RUNX2: variants seen among roughly 807,000 people sequenced by gnomAD.
The protein encoded by RUNX2 is RUNX family transcription factor 2, also known as runt-related transcription factor 2.
A neutral mutation model predicts 51.7 loss-of-function variants in RUNX2; 10 were observed. The observed-to-expected ratio is 0.19, with a 90% CI of 0.12 to 0.33. RUNX2 has a LOEUF of 0.33. Ranked by LOEUF, RUNX2 falls within the 10% of genes least tolerant of loss-of-function variation. The pLI is 1.00. For missense variants in RUNX2, 562 were observed against 691.3 expected (o/e 0.81, Z 2.10); for synonymous variants, 276 against 273.6 (o/e 1.01, Z -0.09).
chr6:45,476,344 AG>A (rs1799955797), intron 5 of RUNX2, among the ~76,000 whole-genome samples: 1 of 150,486 alleles, frequency 6.6e-6, no homozygotes, highest in Non-Finnish European at 1.5e-5. Context: ...TTGGGGAGGA[AG>A]GACCTTGCTC....
At chr6:45,523,067 T>A (rs979577679) in intron 7 of RUNX2, among the ~76,000 whole-genome samples, 2 of 152,208 alleles carry the variant, frequency 1.3e-5, no homozygotes, top group Non-Finnish European at 2.9e-5. Flanking sequence ...AATATACATA[T>A]AAATAGTCTT....
In RUNX2 at chr6:45,532,741, T is replaced by A. The variant is rs996302354; in HGVS notation, c.1022-12476T>A. On this transcript the variant is annotated intron_variant, in intron 7 of 8. Transcript: ENST00000647337. ...TCTCCTGACCAGTCACTGACTGTTTTGGTCCACATCTGGAGTGGACTCAGT... is the reference window on the plus strand; with the variant it reads ...TCTCCTGACCAGTCACTGACTGTTTAGGTCCACATCTGGAGTGGACTCAGT... Among the ~76,000 whole-genome samples the A allele has an allele frequency of 2.6e-5, 4 of 152,162 alleles. No individual in the cohort carries two copies. In the South Asian group the frequency reaches 8.3e-4, roughly 32 times the overall value.
At chr6:45,477,615 A>G (rs1042001041) in intron 5 of RUNX2, among the ~76,000 whole-genome samples, 1 of 152,074 alleles carries the variant, frequency 6.6e-6, no homozygotes, top group Non-Finnish European at 1.5e-5. Context: ...ATTCCACTGT[A>G]CTGTTGTCTG....
chr6:45,428,740 CA>C (rs1288805634), intron 3 of RUNX2, among the ~76,000 whole-genome samples: 3 of 151,358 alleles, frequency 2.0e-5, no homozygotes, highest in South Asian at 2.1e-4. Context: ...ATCAATTTTC[CA>C]TTTCTTCTAA....
In RUNX2 at chr6:45,372,086, T is replaced by C. The variant is rs548671764; in HGVS notation, c.58+43302T>C. On this transcript the variant is annotated intron_variant, in intron 2 of 8. Coordinates refer to ENST00000647337, the MANE Select transcript of RUNX2 (RefSeq NM_001024630.4). ...CCACAATGTGTATGTCACAGTGAACTGTGTTGTGAAATATTAATATCTGAC... is the reference window on the plus strand; with the variant it reads ...CCACAATGTGTATGTCACAGTGAACCGTGTTGTGAAATATTAATATCTGAC... 402 of 923,508 alleles carry C rather than the reference T, an allele frequency of 4.4e-4. 1 individual carries two copies. In the African/African-American group the frequency reaches 6.1e-3, roughly 14 times the overall value. The allele number at this position is 923,508 out of a possible 1,614,324, so 57.2% of individuals were successfully genotyped here.
At chr6:45,357,113 T>C (rs1279548128) in intron 2 of RUNX2, among the ~76,000 whole-genome samples, 1 of 151,874 alleles carries the variant, frequency 6.6e-6, no homozygotes, top group Admixed American at 6.6e-5. Context: ...TTCACGCCAT[T>C]CTCCAGTCTC....
chr6:45,491,634 T>G (rs1469947910), intron 5 of RUNX2, among the ~76,000 whole-genome samples: 3 of 149,358 alleles, frequency 2.0e-5, no homozygotes, highest in Admixed American at 1.3e-4. Context: ...TTTTTTTTTT[T>G]TTTTTTTTTT....
chr6:45,490,700 C>T (rs1800435884), intron 5 of RUNX2, among the ~76,000 whole-genome samples: 2 of 152,116 alleles, frequency 1.3e-5, no homozygotes, highest in South Asian at 2.1e-4. Context: ...TTTTCATAAA[C>T]CTTCTTCAAG....
intron 7 of RUNX2, among the ~76,000 whole-genome samples, chr6:45,540,342 C>T (rs978485437): frequency 1.3e-5 from 2 of 152,080 alleles, no homozygotes; most frequent in African/African-American, 2.4e-5. Context: ...GAAGAATTTC[C>T]CTTTTCATGT....
chr6:45,543,019 G>T (rs1307411698), intron 7 of RUNX2, among the ~76,000 whole-genome samples: 8 of 152,190 alleles, frequency 5.3e-5, no homozygotes, highest in Admixed American at 5.2e-4. Flanking sequence ...TACCTTGGGG[G>T]ATCTCGGATC....
chr6:45,462,023 G>A (rs1017060827), intron 5 of RUNX2, among the ~76,000 whole-genome samples: 11 of 151,984 alleles, frequency 7.2e-5, no homozygotes, highest in Admixed American at 2.6e-4. Flanking sequence ...CCAGCCATTC[G>A]TGTGACCCTC....
chr6:45,379,308 CT>C (rs1797167878), intron 2 of RUNX2, among the ~76,000 whole-genome samples: 1 of 152,182 alleles, frequency 6.6e-6, no homozygotes, highest in Admixed American at 6.5e-5. Flanking sequence ...ATGGTGATAA[CT>C]TCTTACATGG....
intron 2 of RUNX2, among the ~76,000 whole-genome samples, chr6:45,374,885 CA>C (rs1276469117): frequency 2.0e-5 from 3 of 152,160 alleles, no homozygotes; most frequent in African/African-American, 7.2e-5. Flanking sequence ...TATTTAGACA[CA>C]AAAACAGTAA....
chr6:45,457,373 T>C (rs1484576903), intron 5 of RUNX2, among the ~76,000 whole-genome samples: 1 of 152,078 alleles, frequency 6.6e-6, no homozygotes, highest in Non-Finnish European at 1.5e-5. Flanking sequence ...AAGGTAGTTC[T>C]TTTTTCCTCC....
intron 2 of RUNX2, among the ~76,000 whole-genome samples, chr6:45,381,359 G>C (rs954273925): frequency 1.3e-5 from 2 of 152,082 alleles, no homozygotes; most frequent in Non-Finnish European, 2.9e-5. Context: ...CCAAAGGATG[G>C]ATACTAAAGT....
intron 2 of RUNX2, among the ~76,000 whole-genome samples, chr6:45,364,875 T>C (rs1359842738): frequency 6.6e-6 from 1 of 152,180 alleles, no homozygotes; most frequent in Non-Finnish European, 1.5e-5. Context: ...CAAAATTTCC[T>C]AAATCTATAA....
intron 2 of RUNX2, among the ~76,000 whole-genome samples, chr6:45,331,166 T>C (rs1439814873): frequency 6.6e-6 from 1 of 151,974 alleles, no homozygotes; most frequent in Non-Finnish European, 1.5e-5. Flanking sequence ...AGTATGTCTG[T>C]GTCCTTGATC....
intron 2 of RUNX2, among the ~76,000 whole-genome samples, chr6:45,362,116 C>G (rs891155513): frequency 1.3e-5 from 2 of 152,164 alleles, no homozygotes; most frequent in Admixed American, 6.6e-5. Context: ...GTGATATTCA[C>G]CACCCAAATT....
At chr6:45,397,166 C>T (rs973647269) in intron 2 of RUNX2, among the ~76,000 whole-genome samples, 20 of 151,180 alleles carry the variant, frequency 1.3e-4, no homozygotes, top group African/African-American at 4.6e-4. Flanking sequence ...TGCAGTGGCG[C>T]GATCGCAGCT....
Sources: gnomAD v4.1 joint callset for allele counts (sites outside exome capture counted in the v4.1 genomes callset) on GRCh38, gnomAD v4.1.1 for gene constraint, MANE v1.5 for transcripts, NCBI Gene and HGNC (gene_info 2026-07-23, HGNC 2026-07-21) for gene names.